Variants in GALNT13 observed in about 807,000 individuals in gnomAD.
GALNT13 encodes polypeptide N-acetylgalactosaminyltransferase 13, also known as UDP-GalNAc:polypeptide N-acetylgalactosaminyltransferase 13.
In GALNT13, 28 loss-of-function variants were observed where a neutral mutation model predicts 64.2. The ratio of observed to expected loss-of-function variants is 0.44; its 90% CI spans 0.32 to 0.60. The LOEUF is 0.60. GALNT13 is among the 20% of genes least tolerant of loss of function. The pLI is 0.05. For missense variants in GALNT13, 577 were observed against 669.8 expected (o/e 0.86, Z 1.53); for synonymous variants, 214 against 224.6 (o/e 0.95, Z 0.42).
intron 2 of GALNT13, among the ~76,000 whole-genome samples, chr2:153,934,092 G>C (rs1349028015): frequency 6.6e-6 from 1 of 152,148 alleles, no homozygotes; most frequent in East Asian, 1.9e-4. Flanking sequence ...ATCTTTTACA[G>C]TATCTCAGAG....
At chr2:153,664,231 C>A in the GALNT13 span, among the ~76,000 whole-genome samples, 10 of 152,316 alleles carry the variant, frequency 6.6e-5, no homozygotes, top group East Asian at 1.7e-3. Flanking sequence ...AAGACAGACA[C>A]TCCCAGAGTG....
intron 4 of GALNT13, among the ~76,000 whole-genome samples, chr2:154,145,076 C>CTCTA (rs1683496891): frequency 9.8e-6 from 1 of 101,654 alleles, no homozygotes; most frequent in East Asian, 3.5e-4. Context: ...CTCTCTCTAT[C>CTCTA]TATCTATCTA....
chr2:153,567,589 C>G, the GALNT13 span, among the ~76,000 whole-genome samples: 5 of 152,142 alleles, frequency 3.3e-5, no homozygotes, highest in Non-Finnish European at 5.9e-5. Flanking sequence ...ATCAACAGAC[C>G]AAAGTCCGTG....
chr2:153,748,870 A>G, the GALNT13 span, among the ~76,000 whole-genome samples: 3 of 151,058 alleles, frequency 2.0e-5, no homozygotes, highest in South Asian at 6.2e-4. Context: ...TGATACCTGG[A>G]AAAAAAAAGA....
At chr2:153,542,323 A>AAAAC in the GALNT13 span, among the ~76,000 whole-genome samples, 87 of 124,472 alleles carry the variant, frequency 7.0e-4, no homozygotes, top group African/African-American at 2.5e-3. Context: ...TCCATCTCAA[A>AAAAC]AAACAAACAA....
At chr2:153,768,179 T>C in the GALNT13 span, among the ~76,000 whole-genome samples, 40 of 152,352 alleles carry the variant, frequency 2.6e-4, no homozygotes, top group South Asian at 8.3e-3. Context: ...TTGAGTTTTC[T>C]GAATTGATTA....
chr2:153,656,889 A>T, the GALNT13 span, among the ~76,000 whole-genome samples: 29 of 152,056 alleles, frequency 1.9e-4, no homozygotes, highest in African/African-American at 6.5e-4. Flanking sequence ...AAGGTGCAAG[A>T]GGAATAGGAG....
chr2:153,710,811 G>T, the GALNT13 span, among the ~76,000 whole-genome samples: 1 of 151,920 alleles, frequency 6.6e-6, no homozygotes, highest in Non-Finnish European at 1.5e-5. Context: ...ATACTACCTA[G>T]TTGATACATT....
chr2:153,751,773 T>C, the GALNT13 span, among the ~76,000 whole-genome samples: 1 of 151,946 alleles, frequency 6.6e-6, no homozygotes, highest in Admixed American at 6.6e-5. Context: ...TTGTTTTTTT[T>C]TCATTCACTC....
intron 3 of GALNT13, among the ~76,000 whole-genome samples, chr2:154,012,111 G>A (rs1696677822): frequency 6.6e-6 from 1 of 152,130 alleles, no homozygotes; most frequent in South Asian, 2.1e-4. Context: ...CTGTCATCAT[G>A]TTGTTAGCTT....
Position 154,400,220 on chromosome 2 carries a change from A to T in GALNT13, c.1296+4090A>T, listed in dbSNP as rs140997564. Reference sequence around the variant, plus strand: ...TTTATTGGAAAAATGTAAAAAGGTAATCTTTCCTTATGTATAAGGCACTTT... The same window carrying T: ...TTTATTGGAAAAATGTAAAAAGGTATTCTTTCCTTATGTATAAGGCACTTT... On this transcript the variant is annotated intron_variant, in intron 10 of 12. Transcript: ENST00000392825. Among the ~76,000 whole-genome samples the T allele has an allele frequency of 2.1e-3, 321 of 152,276 alleles. 2 individuals carry two copies. Among genetic ancestry groups the T allele is most frequent in the African/African-American group, 7.3e-3 (302 of 41,562 alleles).
At chr2:153,630,819 T>A in the GALNT13 span, among the ~76,000 whole-genome samples, 12 of 96,350 alleles carry the variant, frequency 1.2e-4, no homozygotes, top group Non-Finnish European at 1.9e-4. Context: ...TTTTTTTTTT[T>A]TTTTTATTAT....
At chr2:153,531,938 C>G in the GALNT13 span, among the ~76,000 whole-genome samples, 1 of 152,098 alleles carries the variant, frequency 6.6e-6, no homozygotes, top group Admixed American at 6.5e-5. Context: ...AGGCCTTCAG[C>G]GTCTCTGCCC....
chr2:153,993,095 GA>G (rs1291481937), intron 3 of GALNT13, among the ~76,000 whole-genome samples: 1 of 152,078 alleles, frequency 6.6e-6, no homozygotes, highest in African/African-American at 2.4e-5. Flanking sequence ...TTCAGAAGAT[GA>G]TATATTTACG....
At chr2:154,335,797 TA>T (rs1695411687) in intron 9 of GALNT13, among the ~76,000 whole-genome samples, 1 of 152,102 alleles carries the variant, frequency 6.6e-6, no homozygotes, top group Non-Finnish European at 1.5e-5. Flanking sequence ...ATTTTTAAAG[TA>T]AATGTTTGCC....
the GALNT13 span, among the ~76,000 whole-genome samples, chr2:153,540,787 G>T: frequency 1.3e-5 from 2 of 152,282 alleles, no homozygotes; most frequent in Admixed American, 1.3e-4. Context: ...TGGTTCTTTT[G>T]TTGTGACCAA....
At chr2:154,417,133 T>C (rs1700043600) in intron 11 of GALNT13, among the ~76,000 whole-genome samples, 2 of 152,082 alleles carry the variant, frequency 1.3e-5, no homozygotes, top group South Asian at 4.1e-4. Flanking sequence ...ATTTGAGCCT[T>C]GATTGCCTCA....
the GALNT13 span, among the ~76,000 whole-genome samples, chr2:153,286,953 G>T: frequency 6.6e-6 from 1 of 151,960 alleles, no homozygotes; most frequent in Admixed American, 6.6e-5. Flanking sequence ...TCAAAATTCA[G>T]AATACGAGCA....
chr2:153,258,102 T>C, the GALNT13 span, among the ~76,000 whole-genome samples: 1 of 152,150 alleles, frequency 6.6e-6, no homozygotes, highest in Admixed American at 6.6e-5. Flanking sequence ...TTAAAAAAAG[T>C]CTTAGAGATT....
Sources: allele counts gnomAD v4.1 joint callset (sites outside exome capture counted in the v4.1 genomes callset), GRCh38; gene constraint gnomAD v4.1.1; transcripts MANE v1.5; gene names NCBI Gene and HGNC (gene_info 2026-07-23, HGNC 2026-07-21).